Variants in FLNC observed in about 807,000 individuals in gnomAD.
FLNC encodes the protein filamin C, also known as filamin-C.
Under a neutral mutation model 254.3 loss-of-function variants are expected in FLNC, and 91 were observed. That is an observed-to-expected ratio of 0.36 (90% CI 0.30 to 0.43). FLNC has a LOEUF of 0.43. Ranked by LOEUF, FLNC falls within the 20% of genes least tolerant of loss-of-function variation. FLNC has a pLI of 1.00. For synonymous variants in FLNC, 1,430 were observed against 1,577.2 expected (o/e 0.91, Z 2.21); for missense variants, 2,853 against 3,802.6 (o/e 0.75, Z 6.57).
At position 128,838,437 on chromosome 7, in the gene FLNC, G is replaced by A. The variant is rs368892134; in HGVS notation, c.1210+8G>A. The A allele has an allele frequency of 2.6e-5, 42 of 1,613,552 alleles. No homozygotes were observed. The Middle Eastern group carries it at 8.2e-4, about 32-fold the overall frequency. The stretch of plus-strand genomic sequence containing the variant: ...TTGACATCTACACTGCGGGTAGGAC[G>A]GGCCCCAGGGGGTGCAGGTGGAAAG... On this transcript the variant is annotated splice_region_variant and intron_variant, in intron 7 of 47. Coordinates refer to ENST00000325888, the MANE Select transcript of FLNC (RefSeq NM_001458.5).
At chr7:128,850,297 T>G in intron 31 of FLNC, 87 bp from the exon 32 acceptor site, 1 of 1,182,050 alleles carries the variant, frequency 8.5e-7, no homozygotes, top group Non-Finnish European at 1.3e-6. Flanking sequence ...TACCTTGTTC[T>G]TTCCTCACTC....
chr7:128,850,831 G>C lies in FLNC; in HGVS notation c.5427G>C (p.Thr1809=), dbSNP rs774600814. 43 of 1,613,764 alleles carry C rather than the reference G, an allele frequency of 2.7e-5. No homozygotes were observed. The highest frequency in any genetic ancestry group is 1.6e-4 in the Middle Eastern group (1 of 6,062). The change falls in exon 33 of 48, where the codon ACG becomes ACC. Residue 1809 remains threonine, a synonymous_variant. Transcript: ENST00000325888. The part of the protein sequence containing the change: ...TGEVRMPSGK[T]ARPNITDNKD... ...AGGTGCGGATGCCCTCGGGGAAGAC[G>C]GCACGGCCCAACATCACCGACAACA... is the stretch of plus-strand genomic sequence containing the variant.
chr7:128,843,313 C>G lies in FLNC; in HGVS notation c.2635C>G (p.Arg879Gly). 6.2e-7 allele frequency: 1 copy of G among 1,612,918 alleles called. No homozygotes were observed. Among genetic ancestry groups the G allele is most frequent in the Non-Finnish European group, 8.5e-7 (1 of 1,179,458 alleles). ...KVKAEGPGLN[R>G]TGVEVGKPTH... ...CAAGGCCGAGGGCCCTGGGCTGAAT[C>G]GCACAGGTGAGTGTCTGGGCAGGGG... The change falls in exon 17 of 48, where the codon CGC becomes GGC. Residue 879 changes from arginine (R) to glycine (G), a missense_variant. Arg to Gly is a moderately radical substitution (Grantham distance 125, BLOSUM62 -2). This residue lies in a region of FLNC where 1,573 missense variants were observed against 1,883.5 expected (regional missense o/e 0.84). Coordinates refer to ENST00000325888, the MANE Select transcript of FLNC (RefSeq NM_001458.5).
Position 128,838,774 on chromosome 7 carries a change from G to T in FLNC, c.1382G>T (p.Arg461Leu), listed in dbSNP as rs377587489. The stretch of plus-strand genomic sequence containing the variant: ...GCCTTTGCGGGTGCCCCCATCACCC[G>T]CAGTCCCTTCCCTGTCCATGTGTCG... ...HVAFAGAPIT[R>L]SPFPVHVSEA... Residue 461 changes from arginine (R) to leucine (L), a missense_variant, in exon 8 of 48, where the codon CGC becomes CTC. Transcript: ENST00000325888. 21 of 1,612,818 alleles carry T rather than the reference G, an allele frequency of 1.3e-5. No homozygotes were observed. The highest frequency in any genetic ancestry group is 2.2e-5 in the East Asian group (1 of 44,880).
In FLNC at chr7:128,837,665, G is replaced by T; in HGVS notation, c.879G>T (p.Leu293=). The change falls in exon 5 of 48, where the codon CTG becomes CTT. Residue 293 remains leucine (L), a synonymous_variant. Transcript: ENST00000325888. ...TCGAGCCACAGGGCAACACCGTGCT[G>T]CAGCCTGCCCACTTCACCGTGCAGA... The part of the protein sequence containing the change: ...PGIEPQGNTV[L]QPAHFTVQTV... 3 of 1,612,334 alleles carry T rather than the reference G, an allele frequency of 1.9e-6. No individual in the cohort carries two copies. Among genetic ancestry groups the T allele is most frequent in the Non-Finnish European group, 2.5e-6 (3 of 1,179,956 alleles).
rs1016082443 is a variant in FLNC at position 128,842,158 on chromosome 7, G to C, written c.2122-73G>C. ...GTTGGGGGTGGGAAAGGAGGCGCTG[G>C]GTTCACCTGCGGCCAGCAGAGGGCG... On this transcript the variant is annotated intron_variant, in intron 13 of 47. Transcript: ENST00000325888. This position sits in a 1 kb window ranked among gnomAD's most constrained non-coding sequence, Gnocchi z 5.4. 6 of 1,511,776 alleles carry C rather than the reference G, an allele frequency of 4.0e-6. No individual in the cohort carries two copies. The highest frequency in any genetic ancestry group is 3.7e-5 in the Admixed American group (2 of 54,204). The allele number at this position is 1,511,776 out of a possible 1,614,324, so 93.6% of individuals were successfully genotyped here. A position where few individuals can be genotyped will look rare whatever the true frequency, so the allele number is the denominator to read the frequency against.
At position 128,830,800 on chromosome 7, in the gene FLNC, A is replaced by C. The variant is rs769870285; in HGVS notation, c.163A>C (p.Lys55Gln). ...WCNEHLKCVG[K>Q]RLTDLQRDLS... ...CAATGAGCACCTCAAGTGCGTGGGC[A>C]AGCGCCTGACCGACCTGCAGCGCGA... Residue 55 changes from lysine to glutamine, a missense_variant, in exon 1 of 48, where the codon AAG becomes CAG. Lys to Gln is a moderately conservative substitution (Grantham distance 53, BLOSUM62 1). This residue lies in a region of FLNC where 59 missense variants were observed against 59.8 expected (regional missense o/e 0.99). Transcript: ENST00000325888. 6 of 1,613,018 alleles carry C rather than the reference A, an allele frequency of 3.7e-6. No individual in the cohort carries two copies. Among genetic ancestry groups the C allele is most frequent in the Non-Finnish European group, 5.1e-6 (6 of 1,179,932 alleles).
chr7:128,853,644 G>A, intron 38 of FLNC, 23 bp downstream of exon 38: 1 of 1,614,122 alleles, frequency 6.2e-7, no homozygotes, highest in South Asian at 1.1e-5. Context: ...GCAGAGGTCG[G>A]TGGCGAGAGA....
In FLNC at chr7:128,857,865, T is replaced by C. The variant is rs1360379956; in HGVS notation, c.7781-143T>C. ...TGGGAATGAGGCTGTGCTCCTAGAGTGGCCCTTGGAGGAATTTGAGGGGGA... is the reference window on the plus strand; with the variant it reads ...TGGGAATGAGGCTGTGCTCCTAGAGCGGCCCTTGGAGGAATTTGAGGGGGA... On this transcript the variant is annotated intron_variant, in intron 46 of 47. Transcript: ENST00000325888. The surrounding 1 kb of genome is among the most constrained non-coding windows in gnomAD (Gnocchi z 4.5). The C allele has an allele frequency of 1.5e-5, 11 of 713,400 alleles. No individual in the cohort carries two copies. Among genetic ancestry groups the C allele is most frequent in the Middle Eastern group, 3.7e-4 (1 of 2,736 alleles). The allele number at this position is 713,400 out of a possible 1,614,324, so 44.2% of individuals were successfully genotyped here.
At chr7:128,845,689 A>G (rs180894231) in intron 21 of FLNC, among the ~76,000 whole-genome samples, 1 of 152,070 alleles carries the variant, frequency 6.6e-6, no homozygotes, top group East Asian at 1.9e-4. Flanking sequence ...GGGATGCAAG[A>G]CCCAGGCCCA....
At chr7:128,849,690 G>A in intron 30 of FLNC, 112 bp downstream of exon 30, 1 of 1,393,522 alleles carries the variant, frequency 7.2e-7, no homozygotes, top group Admixed American at 1.8e-5. Flanking sequence ...TTCTCTGAGG[G>A]CTCCTGGGGC....
chr7:128,848,730 G>C lies in FLNC; in HGVS notation c.4737+13G>C, dbSNP rs1250535053. Reference sequence around the variant, plus strand: ...TGTCCAGATCTTGGTGAGTCTCTGTGCATCCCACCCCGCAGGTCATGCTCC... The same window carrying C: ...TGTCCAGATCTTGGTGAGTCTCTGTCCATCCCACCCCGCAGGTCATGCTCC... On this transcript the variant is annotated intron_variant, in intron 27 of 47. Coordinates refer to ENST00000325888, the MANE Select transcript of FLNC (RefSeq NM_001458.5). 2 of 1,613,852 alleles carry C rather than the reference G, an allele frequency of 1.2e-6. No individual in the cohort carries two copies.
Position 128,840,036 on chromosome 7 carries a change from C to T in FLNC, c.1425C>T (p.Asn475=), listed in dbSNP as rs143610360. The T allele has an allele frequency of 5.6e-4, 908 of 1,613,730 alleles. 6 individuals carry two copies. The African/African-American group carries it at 9.6e-3, about 17-fold the overall frequency. The change falls in exon 9 of 48, where the codon AAC becomes AAT. Residue 475 remains asparagine (N), a synonymous_variant. Coordinates refer to ENST00000325888, the MANE Select transcript of FLNC (RefSeq NM_001458.5). Reference sequence around the variant, plus strand: ...TTCCTCCCCTAGCCTGTAACCCCAACGCCTGCCGCGCCTCTGGGCGAGGCC... The same window carrying T: ...TTCCTCCCCTAGCCTGTAACCCCAATGCCTGCCGCGCCTCTGGGCGAGGCC... The part of the protein sequence containing the change: ...PVHVSEACNP[N]ACRASGRGLQ...
chr7:128,842,289 G>A lies in FLNC; in HGVS notation c.2180G>A (p.Arg727His), dbSNP rs200618242. 391 of 1,613,848 alleles carry A rather than the reference G, an allele frequency of 2.4e-4. 1 individual carries two copies. In the African/African-American group the frequency reaches 3.7e-3, roughly 15 times the overall value. ...KVIPNGDGTF[R>H]CSYVPTKPIK... ...ATCCCCAACGGCGACGGCACCTTCC[G>A]CTGCTCCTACGTGCCCACCAAGCCC... Residue 727 changes from arginine to histidine, a missense_variant, in exon 14 of 48, where the codon CGC (arginine) becomes CAC (histidine). Physicochemically the swap from Arg to His is conservative, Grantham distance 29. This residue lies in a region of FLNC where 1,573 missense variants were observed against 1,883.5 expected (regional missense o/e 0.84). Transcript: ENST00000325888. This position sits in a 1 kb window ranked among gnomAD's most constrained non-coding sequence, Gnocchi z 5.4.
At chr7:128,849,863 G>A in intron 30 of FLNC, 113 bp from the exon 31 acceptor site, 1 of 857,284 alleles carries the variant, frequency 1.2e-6, no homozygotes, top group South Asian at 1.4e-5. Context: ...CCCTGCAGGA[G>A]GATGAACACC....
rs141616435 is a variant in FLNC, at chr7:128,840,604, G to A, written c.1606G>A (p.Glu536Lys). 1.1e-4 allele frequency: 183 copies of A among 1,614,240 alleles called. 2 individuals are homozygous for A. The East Asian group carries it at 3.5e-3, about 31-fold the overall frequency. ...REAGDGVFEC[E>K]YYPVVPGKYV... ...GGCTGGGGATGGTGTGTTCGAGTGC[G>A]AGTACTACCCGGTGGTGCCTGGGAA... Residue 536 changes from glutamate to lysine, a missense_variant, in exon 10 of 48, where the codon GAG becomes AAG. Physicochemically the swap from Glu to Lys is moderately conservative, Grantham distance 56 (BLOSUM62 1). Transcript: ENST00000325888.
chr7:128,843,171 G>T, intron 16 of FLNC, 58 bp from the exon 17 acceptor site: 1 of 1,499,706 alleles, frequency 6.7e-7, no homozygotes, highest in East Asian at 2.4e-5. Context: ...CCAGCATCTA[G>T]CTGAGAGCAG....
intron 5 of FLNC, 105 bp downstream of exon 5, chr7:128,837,860 C>G: frequency 7.3e-7 from 1 of 1,363,064 alleles, no homozygotes; most frequent in East Asian, 2.4e-5. Flanking sequence ...GAGCCACACA[C>G]TGTGCTGTGC....
chr7:128,844,402 C>T (rs2128936286), intron 20 of FLNC, 136 bp downstream of exon 20: 1 of 1,095,964 alleles, frequency 9.1e-7, no homozygotes, highest in Non-Finnish European at 1.3e-6. Flanking sequence ...GAGGCCAGCC[C>T]CACCCCACCA....
Sources: gnomAD v4.1 joint callset for allele counts (sites outside exome capture counted in the v4.1 genomes callset) on GRCh38, gnomAD v4.1.1 for gene constraint, gnomAD v4.1.1 regional missense constraint, Gnocchi (gnomAD v3.1) non-coding constraint, MANE v1.5 for transcripts, NCBI Gene and HGNC (gene_info 2026-07-23, HGNC 2026-07-21) for gene names.